Variants in SLIT2 observed in about 807,000 individuals in gnomAD.
SLIT2 encodes the protein slit homolog 2 protein.
A neutral mutation model predicts 185.7 loss-of-function variants in SLIT2; 41 were observed. The ratio of observed to expected loss-of-function variants is 0.22; its 90% CI spans 0.17 to 0.29. The LOEUF is 0.29. Ranked by LOEUF, SLIT2 falls within the 10% of genes least tolerant of loss-of-function variation. The probability of loss-of-function intolerance (pLI) is 1.00; values close to 1 mark genes in which losing one functional copy is unlikely to be tolerated. For synonymous variants in SLIT2, 693 were observed against 680.2 expected (o/e 1.02, Z -0.29); for missense variants, 1,571 against 1,909.0 (o/e 0.82, Z 3.30).
intron 29 of SLIT2, among the ~76,000 whole-genome samples, chr4:20,575,813 G>A (rs562672506): frequency 1.7e-4 from 26 of 151,978 alleles, no homozygotes; most frequent in African/African-American, 4.8e-4. Context: ...AAAAAGCACC[G>A]AATGAATGCC....
rs1716505600 is a variant in SLIT2 at position 20,479,756 on chromosome 4, C to A, written c.468-960C>A. On this transcript the variant is annotated intron_variant, in intron 5 of 36. Transcript: ENST00000504154. ...AAGCAGCAGGAAAAGCAGACATAAC[C>A]AAGTTTGGAGCATTCTTTTTTTGTA... Among the ~76,000 whole-genome samples, 3 of 151,882 alleles carry A rather than the reference C, an allele frequency of 2.0e-5. No individual in the cohort carries two copies. In the South Asian group the frequency reaches 6.2e-4, roughly 31 times the overall value.
At chr4:20,513,691 G>A (rs1577827688) in intron 11 of SLIT2, among the ~76,000 whole-genome samples, 1 of 151,934 alleles carries the variant, frequency 6.6e-6, no homozygotes, top group Non-Finnish European at 1.5e-5. Flanking sequence ...AGATGAAAAT[G>A]CTATGAATAA....
At chr4:20,550,249 C>T (rs1025054974) in intron 24 of SLIT2, among the ~76,000 whole-genome samples, 1 of 152,150 alleles carries the variant, frequency 6.6e-6, no homozygotes, top group African/African-American at 2.4e-5. Flanking sequence ...TTACTAAGCA[C>T]TCGTGCTTTT....
intron 4 of SLIT2, among the ~76,000 whole-genome samples, chr4:20,293,238 T>C (rs1716140723): frequency 6.6e-6 from 1 of 152,206 alleles, no homozygotes; most frequent in East Asian, 1.9e-4. Context: ...CTTTATTTGA[T>C]AGGCAGGGGT....
chr4:20,555,093 C>T (rs1010315131), intron 26 of SLIT2, among the ~76,000 whole-genome samples: 3 of 151,916 alleles, frequency 2.0e-5, no homozygotes, highest in African/African-American at 7.3e-5. Flanking sequence ...TTAAGAAGGT[C>T]ACTCATCATT....
intron 4 of SLIT2, among the ~76,000 whole-genome samples, chr4:20,280,640 T>C (rs955160376): frequency 1.3e-5 from 2 of 152,070 alleles, no homozygotes; most frequent in Non-Finnish European, 2.9e-5. Context: ...TCTCTGTTTT[T>C]CAAAAATTTA....
intron 33 of SLIT2, among the ~76,000 whole-genome samples, chr4:20,602,120 T>G (rs897609655): frequency 4.6e-5 from 7 of 152,222 alleles, no homozygotes; most frequent in African/African-American, 1.7e-4. Context: ...TTGTTTCACA[T>G]AAATCAGTAT....
Position 20,595,802 on chromosome 4 carries a change from C to A in SLIT2, c.3288C>A (p.Asn1096Lys), listed in dbSNP as rs139127730. Residue 1096 changes from asparagine to lysine, a missense_variant, in exon 31 of 37, where the codon AAC becomes AAA. Physicochemically the swap from Asn to Lys is moderately conservative, Grantham distance 94. Coordinates refer to ENST00000504154, the MANE Select transcript of SLIT2 (RefSeq NM_004787.4). ...KNGAHCTDAV[N>K]GYTCICPEGY... Reference sequence around the variant, plus strand: ...GAGCCCACTGCACAGATGCAGTGAACGGCTATACGTGCATATGCCCCGAAG... The same window carrying A: ...GAGCCCACTGCACAGATGCAGTGAAAGGCTATACGTGCATATGCCCCGAAG... 4.3e-6 allele frequency: 7 copies of A among 1,613,750 alleles called. No individual in the cohort carries two copies. The highest frequency in any genetic ancestry group is 5.9e-6 in the Non-Finnish European group (7 of 1,179,888).
intron 4 of SLIT2, among the ~76,000 whole-genome samples, chr4:20,291,558 T>A (rs1462433551): frequency 7.1e-6 from 1 of 141,336 alleles, no homozygotes; most frequent in African/African-American, 2.6e-5. Context: ...TGGTCCTAAA[T>A]GTAGGAACAA....
At chr4:20,505,427 G>A (rs1015415678) in intron 9 of SLIT2, among the ~76,000 whole-genome samples, 1 of 152,022 alleles carries the variant, frequency 6.6e-6, no homozygotes, top group Non-Finnish European at 1.5e-5. Context: ...TTTGGCATGT[G>A]GATGTTATTT....
intron 5 of SLIT2, among the ~76,000 whole-genome samples, chr4:20,471,578 T>G (rs1577720256): frequency 6.6e-6 from 1 of 152,134 alleles, no homozygotes; most frequent in Non-Finnish European, 1.5e-5. Flanking sequence ...CAGGCCATAT[T>G]TTGTATAGCA....
rs759622666 is a variant in SLIT2, at chr4:20,511,587, A to ATTTTTTTTTTTTTTTTTTTTT, written c.1058+466_1058+467insTTTTTTTTTTTTTTTTTTTTT. Among the ~76,000 whole-genome samples, 36 of 82,206 alleles carry ATTTTTTTTTTTTTTTTTTTTT rather than the reference A, an allele frequency of 4.4e-4. 2 individuals carry two copies. Among genetic ancestry groups the ATTTTTTTTTTTTTTTTTTTTT allele is most frequent in the Non-Finnish European group, 5.3e-4 (24 of 45,262 alleles). 53.9% of individuals were successfully genotyped at this position (82,206 alleles called of 152,430 possible). ...AGGCGCCTGCCACCACATCCAGCTAATTTTTTTTTTTTTTTTATTTTTGGT... is the reference window on the plus strand; with the variant it reads ...AGGCGCCTGCCACCACATCCAGCTAATTTTTTTTTTTTTTTTTTTTTTTTTTTTTTTTTTTTTATTTTTGGT... On this transcript the variant is annotated intron_variant, in intron 11 of 36. Transcript: ENST00000504154.
At chr4:20,613,737 G>T (rs1471739418) in intron 34 of SLIT2, among the ~76,000 whole-genome samples, 1 of 152,180 alleles carries the variant, frequency 6.6e-6, no homozygotes, top group Non-Finnish European at 1.5e-5. Flanking sequence ...AACCAGGGAT[G>T]CTGCCCAAGG....
intron 4 of SLIT2, among the ~76,000 whole-genome samples, chr4:20,383,445 C>A (rs945900254): frequency 6.6e-6 from 1 of 152,064 alleles, no homozygotes; most frequent in Non-Finnish European, 1.5e-5. Flanking sequence ...AAAGGGGATA[C>A]AAACAAACAC....
At chr4:20,388,559 A>C (rs1187864394) in intron 4 of SLIT2, among the ~76,000 whole-genome samples, 1 of 151,978 alleles carries the variant, frequency 6.6e-6, no homozygotes, top group African/African-American at 2.4e-5. Context: ...GGATCACCTG[A>C]GGTCAGGAGC....
intron 5 of SLIT2, among the ~76,000 whole-genome samples, chr4:20,471,664 A>G (rs1255459370): frequency 1.3e-5 from 2 of 152,204 alleles, no homozygotes; most frequent in Non-Finnish European, 2.9e-5. Context: ...AGCAAATTCC[A>G]GTGTTCACAA....
At chr4:20,287,345 C>A (rs1203815404) in intron 4 of SLIT2, among the ~76,000 whole-genome samples, 1 of 152,180 alleles carries the variant, frequency 6.6e-6, no homozygotes, top group African/African-American at 2.4e-5. Flanking sequence ...AAGCAATGCG[C>A]CCCATTAGGA....
intron 4 of SLIT2, among the ~76,000 whole-genome samples, chr4:20,325,190 A>T (rs2109179814): frequency 6.6e-6 from 1 of 151,926 alleles, no homozygotes; most frequent in East Asian, 1.9e-4. Flanking sequence ...AAAATCAAGC[A>T]ATGGTGGAAG....
chr4:20,283,183 A>G (rs1397354300), intron 4 of SLIT2, among the ~76,000 whole-genome samples: 2 of 152,096 alleles, frequency 1.3e-5, no homozygotes, highest in Non-Finnish European at 2.9e-5. Context: ...TTAACATTTT[A>G]TAGCTTAACT....
Sources: allele counts gnomAD v4.1 joint callset (sites outside exome capture counted in the v4.1 genomes callset), GRCh38; gene constraint gnomAD v4.1.1; transcripts MANE v1.5; gene names NCBI Gene and HGNC (gene_info 2026-07-23, HGNC 2026-07-21).